The following KDM7A variants were observed in gnomAD, a reference collection of about 807,000 sequenced individuals.
The protein encoded by KDM7A is lysine demethylase 7A, also known as lysine-specific demethylase 7A.
A neutral mutation model predicts 114.8 loss-of-function variants in KDM7A; 28 were observed. That is an observed-to-expected ratio of 0.24 (90% CI 0.18 to 0.33). KDM7A has a LOEUF of 0.33. Ranked by LOEUF, KDM7A falls within the 10% of genes least tolerant of loss-of-function variation. KDM7A has a pLI of 1.00. For missense variants in KDM7A, 942 were observed against 1,142.5 expected, an observed-to-expected ratio of 0.82 and a Z score of 2.53; for synonymous variants, 423 against 397.8, an observed-to-expected ratio of 1.06 and a Z score of -0.75.
At chr7:140,114,443 T>G (rs1228454176) in intron 9 of KDM7A, among the ~76,000 whole-genome samples, 2 of 152,156 alleles carry the variant, frequency 1.3e-5, no homozygotes, top group Non-Finnish European at 2.9e-5. Context: ...GTGCCGGGAT[T>G]GCAGACGGAG....
intron 9 of KDM7A, 144 bp downstream of exon 9, chr7:140,118,968 TG>T (rs1818575639): frequency 1.9e-6 from 1 of 525,892 alleles, no homozygotes; most frequent in Admixed American, 2.9e-5. Context: ...GGTTGCTGGA[TG>T]GGGGAAAACC....
chr7:140,157,589 G>C (rs1340929063), intron 1 of KDM7A, among the ~76,000 whole-genome samples: 1 of 152,172 alleles, frequency 6.6e-6, no homozygotes, highest in Admixed American at 6.5e-5. Context: ...GGGAGGTCAA[G>C]GCTGCAGTGA....
rs1327140566 is a variant in KDM7A, at chr7:140,129,348, G to T, written c.559+145C>A. ...GTTGTAGGTCTGCTGAGAAAAACTA[G>T]TTTTCAATATAGATGATACTGAGCC... On this transcript the variant is annotated intron_variant, in intron 4 of 19. Coordinates refer to ENST00000397560, the MANE Select transcript of KDM7A (RefSeq NM_030647.2). The T allele has an allele frequency of 1.5e-5, 10 of 663,618 alleles. No individual in the cohort carries two copies. The African/African-American group carries it at 1.7e-4, about 11-fold the overall frequency. 41.1% of individuals were successfully genotyped at this position (663,618 alleles called of 1,614,324 possible). A position where few individuals can be genotyped will look rare whatever the true frequency, so the allele number is the denominator to read the frequency against.
chr7:140,128,719 G>A (rs750158638), intron 4 of KDM7A, among the ~76,000 whole-genome samples: 22 of 152,238 alleles, frequency 1.4e-4, no homozygotes, highest in Admixed American at 1.2e-3. Context: ...CAAGTTCTCA[G>A]ATATTCCATG....
intron 1 of KDM7A, among the ~76,000 whole-genome samples, chr7:140,153,691 AT>A (rs770583676): frequency 6.6e-6 from 1 of 152,232 alleles, no homozygotes; most frequent in Non-Finnish European, 1.5e-5. Context: ...AATTTAAAAC[AT>A]TATGCCATTT....
intron 1 of KDM7A, among the ~76,000 whole-genome samples, chr7:140,149,712 T>C (rs1794377957): frequency 6.6e-6 from 1 of 152,210 alleles, no homozygotes. Context: ...ATTTATAAAC[T>C]GTGATACAGC....
rs770099538 is a variant in KDM7A at position 140,088,284 on chromosome 7, CATA to C, written c.*2807_*2809del. ...TACATCACTCATCAATATTGAAAAG[CATA>C]ATATTATGTGACATTGTAAATTATA... On this transcript the variant is annotated 3_prime_UTR_variant, in exon 20 of 20. Coordinates refer to ENST00000397560, the MANE Select transcript of KDM7A (RefSeq NM_030647.2). 15 of 376,706 alleles carry C rather than the reference CATA, an allele frequency of 4.0e-5. No homozygotes were observed. The highest frequency in any genetic ancestry group is 6.2e-5 in the African/African-American group (3 of 48,022). The allele number at this position is 376,706 out of a possible 1,614,324, so 23.3% of individuals were successfully genotyped here. A position where few individuals can be genotyped will look rare whatever the true frequency, so the allele number is the denominator to read the frequency against.
At chr7:140,099,663 C>T (rs942212890) in intron 13 of KDM7A, among the ~76,000 whole-genome samples, 4 of 152,110 alleles carry the variant, frequency 2.6e-5, no homozygotes, top group Non-Finnish European at 4.4e-5. Flanking sequence ...GTCATAGGAG[C>T]GTGAACCATA....
At chr7:140,132,533 T>C (rs1818805039) in intron 3 of KDM7A, among the ~76,000 whole-genome samples, 1 of 152,212 alleles carries the variant, frequency 6.6e-6, no homozygotes, top group Admixed American at 6.5e-5. Flanking sequence ...ACTTTGGGCC[T>C]AGGTGCCAAA....
At chr7:140,126,962 A>G (rs977299938) in intron 5 of KDM7A, 139 bp from the exon 6 acceptor site, 3 of 679,070 alleles carry the variant, frequency 4.4e-6, no homozygotes, top group Non-Finnish European at 2.5e-6. Flanking sequence ...TTTAAAACAC[A>G]TGTTTGTTTG....
At chr7:140,125,825 TC>T (rs1818692028) in intron 6 of KDM7A, among the ~76,000 whole-genome samples, 1 of 152,198 alleles carries the variant, frequency 6.6e-6, no homozygotes, top group Non-Finnish European at 1.5e-5. Context: ...AGCCTCAACT[TC>T]CTGGGCTCAA....
At position 140,139,087 on chromosome 7, in the gene KDM7A, T is replaced by C. The variant is rs887298208; in HGVS notation, c.280+18A>G. On this transcript the variant is annotated intron_variant, in intron 2 of 19. Transcript: ENST00000397560. ...TTTTTCTGAAATGTCCATTTTTATT[T>C]AAGCATCTAGTACTTACTCAAGGAG... The C allele has an allele frequency of 6.5e-6, 10 of 1,529,768 alleles. No homozygotes were observed. Among genetic ancestry groups the C allele is most frequent in the Non-Finnish European group, 9.0e-6 (10 of 1,108,148 alleles). The allele number at this position is 1,529,768 out of a possible 1,614,324, so 94.8% of individuals were successfully genotyped here. A position where few individuals can be genotyped will look rare whatever the true frequency, so the allele number is the denominator to read the frequency against.
intron 1 of KDM7A, among the ~76,000 whole-genome samples, chr7:140,156,186 A>T (rs1445007023): frequency 1.3e-5 from 2 of 151,996 alleles, no homozygotes; most frequent in Non-Finnish European, 2.9e-5. Context: ...AAGGCAGTGT[A>T]TTTTTTTTGA....
chr7:140,145,506 A>C (rs1385288568), intron 1 of KDM7A, among the ~76,000 whole-genome samples: 1 of 152,226 alleles, frequency 6.6e-6, no homozygotes, highest in Non-Finnish European at 1.5e-5. Flanking sequence ...CAAGTGTGGA[A>C]ACAGTGTGTG....
intron 1 of KDM7A, among the ~76,000 whole-genome samples, chr7:140,166,843 A>G (rs1382323064): frequency 1.3e-5 from 2 of 152,082 alleles, no homozygotes; most frequent in Non-Finnish European, 2.9e-5. Flanking sequence ...AAGTACTAAA[A>G]CTCTCTATTT....
chr7:140,138,167 G>A (rs9648803), intron 2 of KDM7A, among the ~76,000 whole-genome samples: 42,308 of 151,834 alleles, frequency 0.28, 6,114 homozygotes, highest in Middle Eastern at 0.31. Context: ...AATTAACTGG[G>A]TGTAGTGAAG....
chr7:140,091,046 C>T lies in KDM7A; in HGVS notation c.*48G>A. 1 of 1,385,110 alleles carries T rather than the reference C, an allele frequency of 7.2e-7. No homozygotes were observed. Among genetic ancestry groups the T allele is most frequent in the African/African-American group, 1.4e-5 (1 of 70,486 alleles). The allele number at this position is 1,385,110 out of a possible 1,614,324, so 85.8% of individuals were successfully genotyped here. On this transcript the variant is annotated 3_prime_UTR_variant, in exon 20 of 20. Coordinates refer to ENST00000397560, the MANE Select transcript of KDM7A (RefSeq NM_030647.2). Reference sequence around the variant, plus strand: ...ACAGCGGAAGCTCCAGGCTCCTGCACCCCTAGACTGGTCTCCAAAGGGAAG... The same window carrying T: ...ACAGCGGAAGCTCCAGGCTCCTGCATCCCTAGACTGGTCTCCAAAGGGAAG...
chr7:140,135,265 ATG>A (rs1173561181), intron 2 of KDM7A, among the ~76,000 whole-genome samples: 2 of 145,744 alleles, frequency 1.4e-5, no homozygotes, highest in Non-Finnish European at 3.0e-5. Flanking sequence ...GTGCAGTGGC[ATG>A]ATCTCGGCTC....
rs374000736 is a variant in KDM7A, at chr7:140,119,213, A to G, written c.1146T>C (p.Tyr382=). 1.6e-5 allele frequency: 25 copies of G among 1,571,934 alleles called. No individual in the cohort carries two copies. The highest frequency in any genetic ancestry group is 1.1e-4 in the African/African-American group (8 of 73,940). The change falls in exon 9 of 20, where the codon TAT becomes TAC. Residue 382 remains tyrosine, a synonymous_variant. Transcript: ENST00000397560. ...GTGTTTTTAGCCTTTTCTCCATCTC[A>G]TAACACCTAAATGAGTTTGAAGAAA... ...NLNIGMQLRC[Y]EMEKRLKTPD...
Sources: allele counts gnomAD v4.1 joint callset (sites outside exome capture counted in the v4.1 genomes callset), GRCh38; gene constraint gnomAD v4.1.1; transcripts MANE v1.5; gene names NCBI Gene and HGNC (gene_info 2026-07-23, HGNC 2026-07-21).